Variants in STAU2 observed in about 807,000 individuals in gnomAD.
STAU2 encodes the protein double-stranded RNA-binding protein Staufen homolog 2.
Under a neutral mutation model 65.9 loss-of-function variants are expected in STAU2, and 20 were observed. The observed-to-expected ratio is 0.30, with a 90% confidence interval of 0.21 to 0.44. STAU2 has a LOEUF of 0.44. Among genes scored for constraint, STAU2 ranks in the 20% least tolerant of loss-of-function variants. The pLI, the probability that STAU2 is intolerant of heterozygous loss-of-function variation, is 1.00. For synonymous variants in STAU2, 232 were observed against 233.9 expected (o/e 0.99, Z 0.07); for missense variants, 558 against 683.9 (o/e 0.82, Z 2.05).
At chr8:73,584,911 A>C (rs757512915) in intron 11 of STAU2, among the ~76,000 whole-genome samples, 1 of 152,248 alleles carries the variant, frequency 6.6e-6, no homozygotes, top group Non-Finnish European at 1.5e-5. Context: ...GGTGAACAGA[A>C]AGAAACAAAG....
chr8:73,444,407 C>CAA (rs55722523), intron 13 of STAU2, among the ~76,000 whole-genome samples: 60 of 128,396 alleles, frequency 4.7e-4, no homozygotes, highest in African/African-American at 1.6e-3. Flanking sequence ...AAAACTCCAT[C>CAA]AAAAAAAAAA....
At chr8:73,466,368 A>AG (rs1198832211) in intron 13 of STAU2, among the ~76,000 whole-genome samples, 1 of 152,192 alleles carries the variant, frequency 6.6e-6, no homozygotes, top group African/African-American at 2.4e-5. Flanking sequence ...ATTCCTCTAG[A>AG]GGAGAGGTGA....
chr8:73,653,923 T>C, intron 6 of STAU2: 1 of 440,540 alleles, frequency 2.3e-6, no homozygotes, highest in Non-Finnish European at 4.5e-6. Context: ...ATATTAAGTT[T>C]AGAATCAAGT....
At chr8:73,727,886 C>T (rs184598552) in intron 3 of STAU2, 33 of 152,280 alleles carry the variant, frequency 2.2e-4, no homozygotes, top group African/African-American at 7.5e-4. Flanking sequence ...CAGTTACTGC[C>T]CGTCTTTTGA....
At position 73,709,166 on chromosome 8, in the gene STAU2, T is replaced by C; in HGVS notation, c.-17-4A>G. On this transcript the variant is annotated splice_region_variant and splice_polypyrimidine_tract_variant and intron_variant, in intron 3 of 14. Transcript: ENST00000524300. ...GCCATTTTATCTTGGAGAGAAGCTG[T>C]AAATAAAAAGGCTATAAAGTTTTTG... 3.3e-6 allele frequency: 5 copies of C among 1,506,736 alleles called. No individual in the cohort carries two copies. The highest frequency in any genetic ancestry group is 3.5e-6 in the Non-Finnish European group (4 of 1,132,462). 93.3% of individuals were successfully genotyped at this position (1,506,736 alleles called of 1,614,324 possible). A position where few individuals can be genotyped will look rare whatever the true frequency, so the allele number is the denominator to read the frequency against.
chr8:73,730,835 G>A (rs1806011066), intron 3 of STAU2, among the ~76,000 whole-genome samples: 1 of 151,750 alleles, frequency 6.6e-6, no homozygotes, highest in South Asian at 2.1e-4. Flanking sequence ...TGTTGTTGAG[G>A]TCCTCTAGTC....
At chr8:73,657,471 C>G (rs1241708740) in intron 6 of STAU2, among the ~76,000 whole-genome samples, 4 of 152,004 alleles carry the variant, frequency 2.6e-5, no homozygotes, top group Non-Finnish European at 5.9e-5. Flanking sequence ...ATAGCAGAAA[C>G]TATAGTACAA....
At chr8:73,429,996 G>A (rs77165047) in intron 13 of STAU2, among the ~76,000 whole-genome samples, 1,672 of 152,220 alleles carry the variant, frequency 0.011, 40 homozygotes, top group Admixed American at 0.049. Flanking sequence ...CAGCACTTCC[G>A]TAACACTTGC....
chr8:73,467,468 C>G (rs953370848), intron 13 of STAU2, among the ~76,000 whole-genome samples: 7 of 152,088 alleles, frequency 4.6e-5, no homozygotes, highest in African/African-American at 1.4e-4. Context: ...GGAGGAGGAG[C>G]TTGCAGTGAG....
intron 13 of STAU2, among the ~76,000 whole-genome samples, chr8:73,521,628 T>C (rs1038303628): frequency 1.3e-5 from 2 of 152,200 alleles, no homozygotes; most frequent in African/African-American, 2.4e-5. Flanking sequence ...ATTTCCAATT[T>C]TGAACTTCCT....
chr8:73,447,961 C>T (rs1818568025), intron 13 of STAU2, among the ~76,000 whole-genome samples: 1 of 152,176 alleles, frequency 6.6e-6, no homozygotes, highest in East Asian at 1.9e-4. Context: ...ACACTGGCTA[C>T]GGCATCCATC....
intron 13 of STAU2, among the ~76,000 whole-genome samples, chr8:73,504,278 C>G (rs1821928445): frequency 6.6e-6 from 1 of 152,098 alleles, no homozygotes; most frequent in Non-Finnish European, 1.5e-5. Context: ...TAAAATGGAA[C>G]TGATAATTTG....
At chr8:73,638,855 G>A (rs1196699443) in intron 6 of STAU2, among the ~76,000 whole-genome samples, 1 of 150,370 alleles carries the variant, frequency 6.7e-6, no homozygotes, top group South Asian at 2.1e-4. Context: ...GTTGGTACAA[G>A]TAGTAAAAAA....
intron 10 of STAU2, 37 bp from the exon 11 acceptor site, chr8:73,595,334 T>G: frequency 2.0e-6 from 3 of 1,535,720 alleles, no homozygotes; most frequent in Non-Finnish European, 2.6e-6. Flanking sequence ...AGAAATACAT[T>G]TATGATAAAT....
intron 10 of STAU2, among the ~76,000 whole-genome samples, chr8:73,597,479 C>A (rs1586087251): frequency 6.7e-6 from 1 of 148,444 alleles, no homozygotes. Context: ...CATGGTGAAA[C>A]CCTGTCTTAC....
intron 12 of STAU2, among the ~76,000 whole-genome samples, chr8:73,573,109 C>G (rs1302581518): frequency 6.6e-6 from 1 of 152,186 alleles, no homozygotes; most frequent in East Asian, 1.9e-4. Flanking sequence ...ACACCAGTAA[C>G]AGACAAACAG....
intron 6 of STAU2, chr8:73,653,188 C>A (rs1392685905): frequency 6.6e-6 from 1 of 152,126 alleles, no homozygotes; most frequent in Non-Finnish European, 1.5e-5. Context: ...CTTGGGTACT[C>A]TAGAAACAGA....
chr8:73,720,270 C>CAAAAAAAA (rs145378789), intron 3 of STAU2, among the ~76,000 whole-genome samples: 6 of 139,762 alleles, frequency 4.3e-5, no homozygotes, highest in South Asian at 2.4e-4. Flanking sequence ...GACCCTGTCT[C>CAAAAAAAA]AAAAAAAAAG....
At chr8:73,544,773 C>A (rs746682115) in intron 13 of STAU2, among the ~76,000 whole-genome samples, 19 of 152,178 alleles carry the variant, frequency 1.2e-4, no homozygotes, top group Non-Finnish European at 2.4e-4. Flanking sequence ...GTAGGCATTA[C>A]AAACATTATT....
Sources: gnomAD v4.1 joint callset for allele counts (sites outside exome capture counted in the v4.1 genomes callset) on GRCh38, gnomAD v4.1.1 for gene constraint, MANE v1.5 for transcripts, NCBI Gene and HGNC (gene_info 2026-07-23, HGNC 2026-07-21) for gene names.